USP20: variants seen among roughly 807,000 people sequenced by gnomAD.
USP20 encodes the protein ubiquitin carboxyl-terminal hydrolase 20.
USP20 carries 80 observed loss-of-function variants against 124.2 expected under a neutral mutation model. The ratio of observed to expected loss-of-function variants is 0.64; its 90% CI spans 0.54 to 0.78. The LOEUF (loss-of-function observed/expected upper bound fraction) is 0.78, where lower values mean the gene tolerates loss of function less well. Ranked by LOEUF, USP20 falls within the 30% of genes least tolerant of loss-of-function variation. The pLI, the probability that USP20 is intolerant of heterozygous loss-of-function variation, is 0.00. For missense variants in USP20, 1,043 were observed against 1,244.4 expected, an observed-to-expected ratio of 0.84 and a Z score of 2.44; for synonymous variants, 481 against 512.3, an observed-to-expected ratio of 0.94 and a Z score of 0.83.
Position 129,879,884 on chromosome 9 carries a change from GC to G in USP20, c.2585-225del, listed in dbSNP as rs1046504907. Among the ~76,000 whole-genome samples the G allele has an allele frequency of 6.6e-6, 1 of 152,038 alleles. No homozygotes were observed. Among genetic ancestry groups the G allele is most frequent in the Non-Finnish European group, 1.5e-5 (1 of 68,004 alleles). ...CTTGCCCACCCTGCTGTTTATGTCA[GC>G]CCCACCCCCAGGAACAAGGGACACA... On this transcript the variant is annotated intron_variant, in intron 24 of 25. Coordinates refer to ENST00000372429, the MANE Select transcript of USP20 (RefSeq NM_001110303.4). The surrounding 1 kb of genome is among the most constrained non-coding windows in gnomAD (Gnocchi z 4.2).
chr9:129,858,982 G>A (rs2033368419), intron 6 of USP20, among the ~76,000 whole-genome samples: 1 of 152,150 alleles, frequency 6.6e-6, no homozygotes, highest in East Asian at 1.9e-4. Flanking sequence ...TCCCAGATCT[G>A]AAACCATTCC....
At chr9:129,843,179 C>T (rs1426943715) in intron 1 of USP20, among the ~76,000 whole-genome samples, 1 of 151,368 alleles carries the variant, frequency 6.6e-6, no homozygotes, top group African/African-American at 2.4e-5. Context: ...CCTGTACTCC[C>T]AGCACTTTGG....
chr9:129,863,258 G>C lies in USP20; in HGVS notation c.570G>C (p.Lys190Asn), dbSNP rs1306885739. The stretch of plus-strand genomic sequence containing the variant: ...CAGATAAGAAGCCAGCCCTGTGCAA[G>C]AGCTACCAGAAGCTGGTCTCTGAGG... ...VRTDKKPALC[K>N]SYQKLVSEVW... The change falls in exon 9 of 26, where the codon AAG (lysine) becomes AAC (asparagine). Residue 190 changes from lysine (K) to asparagine (N), a missense_variant. Lys to Asn is a moderately conservative substitution (Grantham distance 94). Transcript: ENST00000372429. 1 of 1,551,628 alleles carries C rather than the reference G, an allele frequency of 6.4e-7. No homozygotes were observed. The highest frequency in any genetic ancestry group is 8.7e-7 in the Non-Finnish European group (1 of 1,145,930).
chr9:129,869,924 A>G lies in USP20; in HGVS notation c.1565+80A>G, dbSNP rs554300198. 3.9e-6 allele frequency: 6 copies of G among 1,537,084 alleles called. No homozygotes were observed. In the African/African-American group the frequency reaches 6.8e-5, roughly 18 times the overall value. On this transcript the variant is annotated intron_variant, in intron 14 of 25. Coordinates refer to ENST00000372429, the MANE Select transcript of USP20 (RefSeq NM_001110303.4). ...CTGGGCGGGAGACAGTACACAGTGA[A>G]GTCCATGCATTTGGGGAACCAGGGA...
chr9:129,864,361 G>A (rs2033714445), intron 9 of USP20, among the ~76,000 whole-genome samples: 1 of 151,744 alleles, frequency 6.6e-6, no homozygotes, highest in African/African-American at 2.4e-5. Context: ...CAGCTACTCA[G>A]GAGGCTGAGG....
intron 7 of USP20, 33 bp from the exon 8 acceptor site, chr9:129,861,510 C>G: frequency 6.2e-7 from 1 of 1,605,564 alleles, no homozygotes; most frequent in South Asian, 1.1e-5. Context: ...GCAGGGTGCT[C>G]ACCTGCTCCT....
chr9:129,860,123 G>C (rs2033459960), intron 6 of USP20, among the ~76,000 whole-genome samples: 2 of 152,150 alleles, frequency 1.3e-5, no homozygotes, highest in African/African-American at 4.8e-5. Flanking sequence ...GAGGTCAGGA[G>C]ATCGAGACCA....
In USP20 at chr9:129,839,561, G is replaced by C. The variant is rs2032072671; in HGVS notation, c.-129+4062G>C. ...TGGAGGTAGAGTAAAGACAGCAGGA[G>C]GGAGAGAAAGGGTGTGCGAGGGCCA... On this transcript the variant is annotated intron_variant, in intron 1 of 25. Coordinates refer to ENST00000372429, the MANE Select transcript of USP20 (RefSeq NM_001110303.4). This position sits in a 1 kb window ranked among gnomAD's most constrained non-coding sequence, Gnocchi z 4.5. Among the ~76,000 whole-genome samples the C allele has an allele frequency of 6.6e-6, 1 of 152,056 alleles. No individual in the cohort carries two copies. Among genetic ancestry groups the C allele is most frequent in the Admixed American group, 6.6e-5 (1 of 15,260 alleles).
At chr9:129,838,793 G>C (rs1454214359) in intron 1 of USP20, among the ~76,000 whole-genome samples, 1 of 152,336 alleles carries the variant, frequency 6.6e-6, no homozygotes, top group Non-Finnish European at 1.5e-5. Context: ...TCACCACTGA[G>C]TGTGAGGCTT....
Position 129,865,386 on chromosome 9 carries a change from G to A in USP20, c.690+5G>A. 6.2e-7 allele frequency: 1 copy of A among 1,614,120 alleles called. No homozygotes were observed. Among genetic ancestry groups the A allele is most frequent in the Non-Finnish European group, 8.5e-7 (1 of 1,179,964 alleles). On this transcript the variant is annotated splice_donor_5th_base_variant and intron_variant, in intron 10 of 25. Coordinates refer to ENST00000372429, the MANE Select transcript of USP20 (RefSeq NM_001110303.4). ...TTCCGAGGCTATGCCCAGCAGGTAAGCCATCTGAGCTGCCCAGGGGACACC... is the reference window on the plus strand; with the variant it reads ...TTCCGAGGCTATGCCCAGCAGGTAAACCATCTGAGCTGCCCAGGGGACACC...
chr9:129,846,228 C>CATATATATATATATATAT (rs1159489842), intron 1 of USP20, among the ~76,000 whole-genome samples: 15 of 59,422 alleles, frequency 2.5e-4, no homozygotes, highest in South Asian at 7.4e-4. Context: ...TGCGCCCAGC[C>CATATATATATATATATAT]ATATATATAT....
Position 129,874,508 on chromosome 9 carries a change from C to T in USP20, c.1741-68C>T, listed in dbSNP as rs1276725620. 7.6e-6 allele frequency: 12 copies of T among 1,585,310 alleles called. No homozygotes were observed. In the East Asian group the frequency reaches 9.0e-5, roughly 12 times the overall value. On this transcript the variant is annotated intron_variant, in intron 17 of 25. Transcript: ENST00000372429. ...ATGATCCCATCAGCTGTCCTGGGCC[C>T]GTGGGCAAGGCTGCGAGGGCCCGCA...
chr9:129,880,356 C>G, intron 25 of USP20, 67 bp downstream of exon 25: 2 of 1,473,690 alleles, frequency 1.4e-6, no homozygotes, highest in Non-Finnish European at 9.0e-7. Context: ...GAGACCCTCA[C>G]ATGTCCTTTT....
rs375470994 is a variant in USP20 at position 129,868,823 on chromosome 9, G to A, written c.1136-39G>A. The A allele has an allele frequency of 4.6e-5, 70 of 1,517,612 alleles. No individual in the cohort carries two copies. The South Asian group carries it at 8.7e-4, about 19-fold the overall frequency. The allele number at this position is 1,517,612 out of a possible 1,614,324, so 94.0% of individuals were successfully genotyped here. On this transcript the variant is annotated intron_variant, in intron 11 of 25. Transcript: ENST00000372429. ...TCCTGCCCACTCGTGGAGCTGGCCT[G>A]GCTGCCCTGGCCCAGCATGGTACCC...
chr9:129,848,652 A>G (rs1383660943), intron 1 of USP20, among the ~76,000 whole-genome samples: 1 of 147,790 alleles, frequency 6.8e-6, no homozygotes, highest in Non-Finnish European at 1.5e-5. Context: ...GACTATCTCA[A>G]AAAAAAAAAA....
Position 129,859,255 on chromosome 9 carries a change from A to ATTTTATTTTATTTTAT in USP20, c.330+660_330+661insTATTTTATTTTATTTT. On this transcript the variant is annotated intron_variant, in intron 6 of 25. Transcript: ENST00000372429. ...CAGCATCTGCATGGCTCTCTCCTCC[A>ATTTTATTTTATTTTAT]TTTATTTTATTTTATTTTATTTTAT... Among the ~76,000 whole-genome samples, 10 of 69,388 alleles carry ATTTTATTTTATTTTAT rather than the reference A, an allele frequency of 1.4e-4. 5 individuals carry two copies. Among genetic ancestry groups the ATTTTATTTTATTTTAT allele is most frequent in the Admixed American group, 9.5e-4 (6 of 6,330 alleles). 45.5% of individuals were successfully genotyped at this position (69,388 alleles called of 152,430 possible).
chr9:129,874,711 A>T lies in USP20; in HGVS notation c.1876A>T (p.Thr626Ser). ...LAKECTSQIT[T>S]YDLLSVICHH... is the part of the protein sequence containing the mutation. ...CAAGGAGTGCACATCCCAGATCACC[A>T]CCTACGACCTCCTCTCGGTCATCTG... is the stretch of plus-strand genomic sequence containing the variant. Residue 626 changes from threonine to serine, a missense_variant, in exon 18 of 26, where the codon ACC becomes TCC. Physicochemically the swap from Thr to Ser is moderately conservative, Grantham distance 58. Coordinates refer to ENST00000372429, the MANE Select transcript of USP20 (RefSeq NM_001110303.4). The T allele has an allele frequency of 6.2e-7, 1 of 1,613,636 alleles. No individual in the cohort carries two copies. The highest frequency in any genetic ancestry group is 8.5e-7 in the Non-Finnish European group (1 of 1,179,934).
rs1193497674 is a variant in USP20, at chr9:129,863,237, TAAG to T, written c.553_555del (p.Lys185del). 1.2e-5 allele frequency: 19 copies of T among 1,550,946 alleles called. No individual in the cohort carries two copies. The highest frequency in any genetic ancestry group is 5.8e-5 in the Admixed American group (3 of 51,402). Reference sequence around the variant, plus strand: ...AGTGTGGCGGCCTGGTGCGCACAGATAAGAAGCCAGCCCTGTGCAAGAGCTACC... The same window carrying T: ...AGTGTGGCGGCCTGGTGCGCACAGATAAGCCAGCCCTGTGCAAGAGCTACC... On this transcript the variant is annotated inframe_deletion, in exon 9 of 26. Transcript: ENST00000372429.
chr9:129,861,104 C>T, intron 7 of USP20, 71 bp downstream of exon 7: 1 of 1,423,226 alleles, frequency 7.0e-7, no homozygotes, highest in South Asian at 1.2e-5. Context: ...TGGAAACCGC[C>T]AGAGTCTTGG....
Sources: gnomAD v4.1 joint callset for allele counts (sites outside exome capture counted in the v4.1 genomes callset) on GRCh38, gnomAD v4.1.1 for gene constraint, Gnocchi (gnomAD v3.1) non-coding constraint, MANE v1.5 for transcripts, NCBI Gene and HGNC (gene_info 2026-07-23, HGNC 2026-07-21) for gene names.